Variants in AKAP9 observed in about 807,000 individuals in gnomAD.
AKAP9 encodes the protein A-kinase anchoring protein 9.
Under a neutral mutation model 488.5 loss-of-function variants are expected in AKAP9, and 311 were observed. The observed-to-expected ratio is 0.64, with a 90% confidence interval of 0.58 to 0.70. The LOEUF is 0.70. AKAP9 is among the 30% of genes least tolerant of loss of function. The probability of loss-of-function intolerance (pLI) is 0.00; values close to 1 mark genes in which losing one functional copy is unlikely to be tolerated. For synonymous variants in AKAP9, 1,462 were observed against 1,483.5 expected (o/e 0.99, Z 0.33); for missense variants, 4,215 against 4,374.5 (o/e 0.96, Z 1.03).
At chr7:92,014,120 A>G (rs1053211657) in intron 9 of AKAP9, 129 bp from the exon 10 acceptor site, 15 of 708,936 alleles carry the variant, frequency 2.1e-5, no homozygotes, top group African/African-American at 7.1e-5. Context: ...ATGGAAAATA[A>G]CTCAAAGAAA....
At chr7:92,055,097 G>A (rs1808559400) in intron 22 of AKAP9, among the ~76,000 whole-genome samples, 1 of 151,916 alleles carries the variant, frequency 6.6e-6, no homozygotes, top group African/African-American at 2.4e-5. Context: ...GATTCTGCTA[G>A]GCCTTGGAAT....
intron 1 of AKAP9, among the ~76,000 whole-genome samples, chr7:91,953,631 G>A (rs990698971): frequency 2.6e-5 from 4 of 152,096 alleles, no homozygotes; most frequent in Admixed American, 1.3e-4. Context: ...CATCATTATC[G>A]TCATTCTGGA....
intron 16 of AKAP9, among the ~76,000 whole-genome samples, chr7:92,038,176 TATA>T (rs1311765262): frequency 6.6e-6 from 1 of 152,190 alleles, no homozygotes; most frequent in Non-Finnish European, 1.5e-5. Context: ...TTATGTCTGT[TATA>T]ATAAGAAAAC....
rs759783541 is a variant in AKAP9, at chr7:91,992,964, G to A, written c.485G>A (p.Ser162Asn). The change falls in exon 5 of 50, where the codon AGT becomes AAT. Residue 162 changes from serine to asparagine, a missense_variant. This residue lies in a region of AKAP9 where 2,361 missense variants were observed against 2,430.0 expected (regional missense o/e 0.97). Transcript: ENST00000356239. Reference protein sequence around the residue: ...DSPTHLEMMESELAGKQHEIE... With the variant: ...DSPTHLEMMENELAGKQHEIE... ...CCGACTCATCTAGAGATGATGGAAAGTGAGTTGGCTGGGAAGCAGCATGAG... is the reference window on the plus strand; with the variant it reads ...CCGACTCATCTAGAGATGATGGAAAATGAGTTGGCTGGGAAGCAGCATGAG... 5 of 1,614,132 alleles carry A rather than the reference G, an allele frequency of 3.1e-6. No individual in the cohort carries two copies. Among genetic ancestry groups the A allele is most frequent in the Non-Finnish European group, 4.2e-6 (5 of 1,179,994 alleles).
intron 12 of AKAP9, among the ~76,000 whole-genome samples, chr7:92,021,785 T>C (rs1399613437): frequency 6.6e-6 from 1 of 152,228 alleles, no homozygotes; most frequent in Non-Finnish European, 1.5e-5. Flanking sequence ...TCTTTTCTTT[T>C]TGTTTACTGT....
chr7:91,982,925 T>C (rs1226196681), intron 3 of AKAP9, among the ~76,000 whole-genome samples: 1 of 152,222 alleles, frequency 6.6e-6, no homozygotes, highest in Admixed American at 6.5e-5. Context: ...TGATTTGCAT[T>C]TCTCTGATGA....
intron 8 of AKAP9, among the ~76,000 whole-genome samples, chr7:92,008,321 C>G (rs577312364): frequency 6.6e-6 from 1 of 151,686 alleles, no homozygotes; most frequent in Admixed American, 6.6e-5. Context: ...GAGCCGAGAT[C>G]GCGCCACTGC....
chr7:92,077,994 T>G (rs1426497276), intron 30 of AKAP9, 119 bp downstream of exon 30: 1 of 643,588 alleles, frequency 1.6e-6, no homozygotes, highest in Admixed American at 3.9e-5. Context: ...TTTATTTTAT[T>G]TTATTTTATT....
At chr7:92,087,626 A>G (rs1426664780) in intron 37 of AKAP9, among the ~76,000 whole-genome samples, 2 of 152,012 alleles carry the variant, frequency 1.3e-5, no homozygotes, top group Non-Finnish European at 2.9e-5. Context: ...GAAAAGAACT[A>G]GGACTTCTTG....
intron 22 of AKAP9, chr7:92,058,014 G>T (rs1217044346): frequency 2.3e-5 from 7 of 299,318 alleles, no homozygotes; most frequent in Non-Finnish European, 1.9e-5. Flanking sequence ...TTATTGTGCA[G>T]TTGTATGAAT....
At chr7:92,058,088 T>C (rs892749842) in intron 22 of AKAP9, 59 of 505,644 alleles carry the variant, frequency 1.2e-4, no homozygotes, top group African/African-American at 1.1e-3. Context: ...ATGGTAGATC[T>C]TGATAAACTA....
chr7:92,027,174 CCG>C (rs1803363409), intron 14 of AKAP9, among the ~76,000 whole-genome samples: 1 of 142,688 alleles, frequency 7.0e-6, no homozygotes, highest in African/African-American at 2.6e-5. Context: ...CCCAGCTGCC[CCG>C]TCTGGGAAGT....
In AKAP9 at chr7:92,084,877, A is replaced by G. The variant is rs1814242551; in HGVS notation, c.8769A>G (p.Ile2923Met). The G allele has an allele frequency of 6.2e-7, 1 of 1,613,614 alleles. No individual in the cohort carries two copies. Among genetic ancestry groups the G allele is most frequent in the Non-Finnish European group, 8.5e-7 (1 of 1,179,718 alleles). Reference sequence around the variant, plus strand: ...TTACACACAGTCAGGGATTTGACATAGCATCAGAAGGCCGAGGAGAAGAAA... The same window carrying G: ...TTACACACAGTCAGGGATTTGACATGGCATCAGAAGGCCGAGGAGAAGAAA... Reference protein sequence around the residue: ...IYLTHSQGFDIASEGRGEESE... With the variant: ...IYLTHSQGFDMASEGRGEESE... The change falls in exon 35 of 50, where the codon ATA (isoleucine) becomes ATG (methionine). Residue 2923 changes from isoleucine (I) to methionine (M), a missense_variant. Physicochemically the swap from Ile to Met is conservative, Grantham distance 10. Around this residue, in one of 5 missense-constraint regions of AKAP9, gnomAD observed 1,476 missense variants for 1,477.4 expected, o/e 1.00. Coordinates refer to ENST00000356239, the MANE Select transcript of AKAP9 (RefSeq NM_005751.5).
chr7:92,031,580 A>G lies in AKAP9; in HGVS notation c.4314A>G (p.Glu1438=). 1 of 1,611,410 alleles carries G rather than the reference A, an allele frequency of 6.2e-7. No homozygotes were observed. The highest frequency in any genetic ancestry group is 8.5e-7 in the Non-Finnish European group (1 of 1,177,964). ...AGTTGCTTGAAAAACAATACCAAGA[A>G]CAATTAGAAGAAGAAGTAGCTAAGG... ...IVKLLEKQYQ[E]QLEEEVAKVI... The change falls in exon 16 of 50, where the codon GAA becomes GAG. Residue 1438 remains glutamate, a synonymous_variant. Transcript: ENST00000356239.
At chr7:92,051,242 A>T (rs547097267) in intron 21 of AKAP9, among the ~76,000 whole-genome samples, 1 of 152,276 alleles carries the variant, frequency 6.6e-6, no homozygotes, top group South Asian at 2.1e-4. Flanking sequence ...CCATCGTATC[A>T]CACTGTTCCC....
chr7:92,022,580 T>C (rs541225720), intron 13 of AKAP9, among the ~76,000 whole-genome samples: 3 of 152,326 alleles, frequency 2.0e-5, no homozygotes, highest in East Asian at 1.9e-4. Context: ...TTTAAAGATA[T>C]AAAATTTTGG....
intron 38 of AKAP9, 60 bp from the exon 39 acceptor site, chr7:92,093,037 T>C: frequency 2.1e-6 from 3 of 1,445,758 alleles, no homozygotes; most frequent in Non-Finnish European, 2.9e-6. Flanking sequence ...TCAACAAATA[T>C]TTATAAACCA....
Position 92,097,030 on chromosome 7 carries a change from T to C in AKAP9, c.10071T>C (p.Ser3357=), listed in dbSNP as rs1439237476. ...AGAAACAGCTAGAGGAAAAACACAG[T>C]CGCATAGTAGAATTGTTAAATGAGA... ...ELQKQLEEKH[S]RIVELLNETE... Residue 3357 remains serine (S), a synonymous_variant, in exon 41 of 50, where the codon AGT becomes AGC. Coordinates refer to ENST00000356239, the MANE Select transcript of AKAP9 (RefSeq NM_005751.5). The C allele has an allele frequency of 2.5e-6, 4 of 1,614,044 alleles. No individual in the cohort carries two copies. Among genetic ancestry groups the C allele is most frequent in the Non-Finnish European group, 3.4e-6 (4 of 1,180,030 alleles).
intron 29 of AKAP9, among the ~76,000 whole-genome samples, 162 bp from the exon 30 acceptor site, chr7:92,077,534 G>A (rs963572621): frequency 6.6e-6 from 1 of 152,024 alleles, no homozygotes; most frequent in African/African-American, 2.4e-5. Context: ...AAAATTTTGG[G>A]ATCATTTATC....
Sources: allele counts gnomAD v4.1 joint callset (sites outside exome capture counted in the v4.1 genomes callset), GRCh38; gene constraint gnomAD v4.1.1; regional missense constraint gnomAD v4.1.1; transcripts MANE v1.5; gene names NCBI Gene and HGNC (gene_info 2026-07-23, HGNC 2026-07-21).